PCGF5: variants seen among roughly 807,000 people sequenced by gnomAD.
The protein encoded by PCGF5 is polycomb group RING finger protein 5.
In PCGF5, 9 loss-of-function variants were observed where a neutral mutation model predicts 44.3. The observed-to-expected ratio is 0.20, with a 90% CI of 0.12 to 0.35. The LOEUF (loss-of-function observed/expected upper bound fraction) is 0.35, where lower values mean the gene tolerates loss of function less well. Ranked by LOEUF, PCGF5 falls within the 10% of genes least tolerant of loss-of-function variation. The pLI is 1.00. For missense variants in PCGF5, 146 were observed against 305.3 expected (o/e 0.48, Z 3.89); for synonymous variants, 95 against 102.5 (o/e 0.93, Z 0.44).
At chr10:91,262,429 A>G (rs943041878) in intron 7 of PCGF5, among the ~76,000 whole-genome samples, 4 of 151,988 alleles carry the variant, frequency 2.6e-5, no homozygotes, top group African/African-American at 7.2e-5. Context: ...CTCCATCTCA[A>G]AAAAAGAAAA....
At chr10:91,175,169 A>G (rs925072798) in intron 1 of PCGF5, among the ~76,000 whole-genome samples, 2 of 152,236 alleles carry the variant, frequency 1.3e-5, no homozygotes, top group Non-Finnish European at 2.9e-5. Context: ...CTTCTATGCC[A>G]TACCACAAGA....
chr10:91,263,359 T>C (rs1845971461), intron 7 of PCGF5, among the ~76,000 whole-genome samples: 1 of 152,202 alleles, frequency 6.6e-6, no homozygotes, highest in South Asian at 2.1e-4. Context: ...GTTAATAAAA[T>C]GATGCCTGAA....
chr10:91,179,535 T>A (rs1843780631), intron 1 of PCGF5, among the ~76,000 whole-genome samples: 1 of 152,174 alleles, frequency 6.6e-6, no homozygotes, highest in Admixed American at 6.5e-5. Context: ...GTGTGTGTTG[T>A]TTCCCTCTGT....
At chr10:91,228,006 G>C in intron 2 of PCGF5, 1 of 881,652 alleles carries the variant, frequency 1.1e-6, no homozygotes, top group Non-Finnish European at 1.4e-6. Flanking sequence ...GCAGTGATAG[G>C]TAACTTGAAA....
chr10:91,204,091 G>C (rs1483488868), intron 1 of PCGF5, among the ~76,000 whole-genome samples: 1 of 152,144 alleles, frequency 6.6e-6, no homozygotes, highest in Non-Finnish European at 1.5e-5. Flanking sequence ...ATAACATTTA[G>C]AGAACATGTT....
upstream of PCGF5, among the ~76,000 whole-genome samples, chr10:91,161,644 T>C (rs757791178): frequency 7.2e-5 from 11 of 152,194 alleles, no homozygotes; most frequent in Admixed American, 1.3e-4. Flanking sequence ...ATTATGAGTA[T>C]GGAGGGCACA....
chr10:91,168,210 G>C (rs984794540), intron 1 of PCGF5, among the ~76,000 whole-genome samples: 1 of 152,162 alleles, frequency 6.6e-6, no homozygotes, highest in Non-Finnish European at 1.5e-5. Context: ...AGTGTGGTGA[G>C]CAGAATAAAA....
At chr10:91,163,596 TG>T (rs1211507976) in intron 1 of PCGF5, among the ~76,000 whole-genome samples, 1 of 152,010 alleles carries the variant, frequency 6.6e-6, no homozygotes, top group African/African-American at 2.4e-5. Flanking sequence ...GCGCCTAGTT[TG>T]GGGGCCGCTG....
chr10:91,273,267 C>T (rs1846226016), intron 9 of PCGF5, among the ~76,000 whole-genome samples: 1 of 152,140 alleles, frequency 6.6e-6, no homozygotes, highest in African/African-American at 2.4e-5. Flanking sequence ...GATGTTTCAG[C>T]TGCTTTAGCC....
intron 1 of PCGF5, among the ~76,000 whole-genome samples, chr10:91,176,124 G>A (rs962767206): frequency 1.4e-4 from 21 of 152,144 alleles, no homozygotes; most frequent in African/African-American, 2.9e-4. Flanking sequence ...AAAATCTCTC[G>A]GCATTTGCTT....
At chr10:91,172,401 A>G (rs2133171482) in intron 1 of PCGF5, among the ~76,000 whole-genome samples, 1 of 152,300 alleles carries the variant, frequency 6.6e-6, no homozygotes, top group East Asian at 1.9e-4. Flanking sequence ...CCTGTGCCAC[A>G]GAATGAAACT....
chr10:91,188,381 C>A (rs992226638), intron 1 of PCGF5, among the ~76,000 whole-genome samples: 5 of 152,092 alleles, frequency 3.3e-5, no homozygotes, highest in Non-Finnish European at 2.9e-5. Flanking sequence ...GGCTTTAGTT[C>A]AGTTCAAATG....
intron 1 of PCGF5, among the ~76,000 whole-genome samples, chr10:91,179,022 C>T (rs1843769126): frequency 6.6e-6 from 1 of 152,228 alleles, no homozygotes; most frequent in Non-Finnish European, 1.5e-5. Flanking sequence ...TTTGGGTAAG[C>T]CCTAGGGAAT....
intron 3 of PCGF5, among the ~76,000 whole-genome samples, chr10:91,246,163 G>A (rs2133364291): frequency 6.6e-6 from 1 of 152,304 alleles, no homozygotes; most frequent in Admixed American, 6.5e-5. Context: ...AAAGTAGTAA[G>A]TAATGTTTCA....
At chr10:91,167,249 CTAT>C (rs1843516330) in intron 1 of PCGF5, among the ~76,000 whole-genome samples, 1 of 152,004 alleles carries the variant, frequency 6.6e-6, no homozygotes, top group Admixed American at 6.5e-5. Flanking sequence ...ATCCAGCTTA[CTAT>C]ATATATAAAG....
chr10:91,249,397 A>ACATATATATG (rs1845563014), intron 5 of PCGF5, among the ~76,000 whole-genome samples: 1 of 143,170 alleles, frequency 7.0e-6, no homozygotes, highest in Admixed American at 7.0e-5. Context: ...ATATATATAT[A>ACATATATATG]TATATATATA....
chr10:91,236,294 C>T (rs1014673182), intron 2 of PCGF5, among the ~76,000 whole-genome samples: 8 of 152,120 alleles, frequency 5.3e-5, no homozygotes, highest in Non-Finnish European at 1.2e-4. Flanking sequence ...CTCACTTGCC[C>T]AGGGAGGATA....
chr10:91,270,100 C>T (rs1846143003), intron 8 of PCGF5, among the ~76,000 whole-genome samples: 1 of 152,206 alleles, frequency 6.6e-6, no homozygotes, highest in Admixed American at 6.5e-5. Context: ...TCCTCCTTCA[C>T]TTAGTTTCAT....
At chr10:91,219,657 G>A (rs776289478), upstream of PCGF5, among the ~76,000 whole-genome samples, 30 of 152,190 alleles carry the variant, frequency 2.0e-4, no homozygotes, top group Admixed American at 3.3e-4. Context: ...AGGACTATAC[G>A]AATGTGGTCA....
Sources: allele counts gnomAD v4.1 joint callset (sites outside exome capture counted in the v4.1 genomes callset), GRCh38; gene constraint gnomAD v4.1.1; transcripts MANE v1.5; gene names NCBI Gene and HGNC (gene_info 2026-07-23, HGNC 2026-07-21).